BUD31: variants seen among roughly 807,000 people sequenced by gnomAD.
The protein encoded by BUD31 is protein BUD31 homolog.
In BUD31, 9 loss-of-function variants were observed where a neutral mutation model predicts 17.9. The ratio of observed to expected loss-of-function variants is 0.50; its 90% CI spans 0.30 to 0.88. The LOEUF (loss-of-function observed/expected upper bound fraction) is 0.88, where lower values mean the gene tolerates loss of function less well. Ranked by LOEUF, BUD31 falls within the 40% of genes least tolerant of loss-of-function variation. The probability of loss-of-function intolerance (pLI) is 0.06; values close to 1 mark genes in which losing one functional copy is unlikely to be tolerated. For synonymous variants in BUD31, 70 were observed against 64.7 expected (o/e 1.08, Z -0.39); for missense variants, 148 against 184.5 (o/e 0.80, Z 1.15).
In BUD31 at chr7:99,409,228, C is replaced by G. The variant is rs961381347; in HGVS notation, c.-183C>G. ...GATTTGGGGGTTTTCCTCTAGGATT[C>G]TCGCGCCGTTTCCTCTGGTAGGAAC... On this transcript the variant is annotated 5_prime_UTR_variant, in exon 1 of 6. Coordinates refer to ENST00000222969, the MANE Select transcript of BUD31 (RefSeq NM_003910.4). The G allele has an allele frequency of 3.9e-5, 6 of 152,284 alleles. No individual in the cohort carries two copies. Among genetic ancestry groups the G allele is most frequent in the African/African-American group, 1.4e-4 (6 of 41,446 alleles). The allele number at this position is 152,284 out of a possible 1,614,324, so 9.4% of individuals were successfully genotyped here.
At chr7:99,409,769 CG>C (rs370621425) in intron 1 of BUD31, among the ~76,000 whole-genome samples, 9,117 of 48,658 alleles carry the variant, frequency 0.19, 371 homozygotes, top group African/African-American at 0.29. Context: ...GCTCTGTGGG[CG>C]GGGGGGGGGT....
At chr7:99,415,298 A>G (rs763661216) in intron 3 of BUD31, 3 of 455,362 alleles carry the variant, frequency 6.6e-6, no homozygotes, top group South Asian at 4.6e-5. Context: ...GTCCACTGGA[A>G]AGCGGGCCCT....
chr7:99,409,295 G>A (rs1795070040), intron 1 of BUD31, 50 bp downstream of exon 1: 1 of 152,292 alleles, frequency 6.6e-6, no homozygotes, highest in Non-Finnish European at 1.5e-5. Context: ...GGGTTCAGAT[G>A]CTGTCCTTTT....
intron 3 of BUD31, among the ~76,000 whole-genome samples, chr7:99,412,223 G>A (rs956886669): frequency 6.6e-6 from 1 of 152,154 alleles, no homozygotes; most frequent in Non-Finnish European, 1.5e-5. Flanking sequence ...AGTAATCACG[G>A]TCATTTTGGG....
In BUD31 at chr7:99,413,335, G is replaced by T. The variant is rs73711216; in HGVS notation, c.94+2149G>T. On this transcript the variant is annotated intron_variant, in intron 3 of 5. Coordinates refer to ENST00000222969, the MANE Select transcript of BUD31 (RefSeq NM_003910.4). ...GAGAGAACTGCCTTGCGGCAAGTATGAGTGCCACCTGATCCTGCGTGTGTT... is the reference window on the plus strand; with the variant it reads ...GAGAGAACTGCCTTGCGGCAAGTATTAGTGCCACCTGATCCTGCGTGTGTT... 4.6e-3 allele frequency among the ~76,000 whole-genome samples: 694 copies of T among 152,288 alleles called. 5 individuals are homozygous for T. The highest frequency in any genetic ancestry group is 0.015 in the African/African-American group (640 of 41,568).
At chr7:99,414,000 C>T (rs1308208757) in intron 3 of BUD31, among the ~76,000 whole-genome samples, 1 of 152,094 alleles carries the variant, frequency 6.6e-6, no homozygotes, top group African/African-American at 2.4e-5. Context: ...AATGTGCCAA[C>T]GTTGTGACAA....
At chr7:99,418,087 C>A in intron 5 of BUD31, 2 of 696,606 alleles carry the variant, frequency 2.9e-6, no homozygotes, top group Non-Finnish European at 3.7e-6. Flanking sequence ...CCTGCCTCAT[C>A]CTCCTGAGTA....
At chr7:99,413,828 G>A (rs1795279746) in intron 3 of BUD31, among the ~76,000 whole-genome samples, 1 of 152,362 alleles carries the variant, frequency 6.6e-6, no homozygotes, top group South Asian at 2.1e-4. Flanking sequence ...CTGACCTCAA[G>A]TGATCCACCC....
In BUD31 at chr7:99,419,463, A is replaced by G. The variant is rs769653272; in HGVS notation, c.*22A>G. 6.2e-7 allele frequency: 1 copy of G among 1,608,932 alleles called. No individual in the cohort carries two copies. ...CTGAGGCTGGCGCGCTCCACCCTGG[A>G]CTCTGGACTTCGCAGGTTCCTGCCT... On this transcript the variant is annotated 3_prime_UTR_variant, in exon 6 of 6. Transcript: ENST00000222969.
rs1339690982 is a variant in BUD31 at position 99,411,373 on chromosome 7, T to A, written c.94+187T>A. 3 of 543,288 alleles carry A rather than the reference T, an allele frequency of 5.5e-6. No individual in the cohort carries two copies. In the African/African-American group the frequency reaches 5.8e-5, roughly 11 times the overall value. 33.7% of individuals were successfully genotyped at this position (543,288 alleles called of 1,614,324 possible). A position where few individuals can be genotyped will look rare whatever the true frequency, so the allele number is the denominator to read the frequency against. ...AAATAAGATAACATTAATGAAAAGG[T>A]CCTCAGAAAAGGTGTTTTTTTTTGT... is the stretch of plus-strand genomic sequence containing the variant. On this transcript the variant is annotated intron_variant, in intron 3 of 5. Coordinates refer to ENST00000222969, the MANE Select transcript of BUD31 (RefSeq NM_003910.4).
At chr7:99,409,762 C>CTGTG (rs1795097058) in intron 1 of BUD31, among the ~76,000 whole-genome samples, 1 of 8,950 alleles carries the variant, frequency 1.1e-4, no homozygotes, top group Non-Finnish European at 2.3e-4. Flanking sequence ...AGAGGAGGCT[C>CTGTG]TGTGGGCGGG....
intron 3 of BUD31, chr7:99,411,821 C>G (rs1235443352): frequency 2.4e-6 from 1 of 418,838 alleles, no homozygotes; most frequent in East Asian, 8.0e-5. Context: ...TTTCCTGCCT[C>G]TCAGCCTCTC....
chr7:99,414,146 A>T (rs918726821), intron 3 of BUD31, among the ~76,000 whole-genome samples: 12 of 147,388 alleles, frequency 8.1e-5, no homozygotes, highest in East Asian at 3.9e-4. Context: ...TTATTTTTTT[A>T]TTTTTTTTTT....
At chr7:99,410,590 G>A (rs1023328195) in intron 2 of BUD31, among the ~76,000 whole-genome samples, 1 of 151,942 alleles carries the variant, frequency 6.6e-6, no homozygotes, top group African/African-American at 2.4e-5. Context: ...CCGAGTCACA[G>A]CCCTCCTTAT....
chr7:99,409,399 T>A (rs1460632611), intron 1 of BUD31, 154 bp downstream of exon 1: 1 of 152,240 alleles, frequency 6.6e-6, no homozygotes, highest in Non-Finnish European at 1.5e-5. Context: ...TCCCGGCACA[T>A]CTTTCTTCTC....
intron 2 of BUD31, 103 bp downstream of exon 2, chr7:99,410,272 A>G (rs1446406983): frequency 6.6e-6 from 1 of 152,098 alleles, no homozygotes; most frequent in Admixed American, 6.6e-5. Context: ...GCTGGAGTGC[A>G]GTAGTGTGAA....
intron 2 of BUD31, among the ~76,000 whole-genome samples, chr7:99,410,556 T>G (rs1273431512): frequency 6.6e-6 from 1 of 152,002 alleles, no homozygotes; most frequent in Non-Finnish European, 1.5e-5. Context: ...CTTTGCCTTT[T>G]TAAATACTCA....
At chr7:99,415,260 A>G (rs1299311254) in intron 3 of BUD31, 18 of 456,168 alleles carry the variant, frequency 3.9e-5, no homozygotes, top group Non-Finnish European at 6.6e-5. Context: ...ACCATCTCCA[A>G]TGATAGGTAA....
At chr7:99,412,017 T>G in intron 3 of BUD31, 1 of 183,714 alleles carries the variant, frequency 5.4e-6, no homozygotes, top group South Asian at 8.2e-5. Context: ...AAGTTACTTT[T>G]TAAAGTAGCT....
Sources: gnomAD v4.1 joint callset for allele counts (sites outside exome capture counted in the v4.1 genomes callset) on GRCh38, gnomAD v4.1.1 for gene constraint, MANE v1.5 for transcripts, NCBI Gene and HGNC (gene_info 2026-07-23, HGNC 2026-07-21) for gene names.